The following GRM8 variants were observed in gnomAD, a reference collection of about 807,000 sequenced individuals.
GRM8 encodes metabotropic glutamate receptor 8.
GRM8 carries 47 observed loss-of-function variants against 87.2 expected under a neutral mutation model. That is an observed-to-expected ratio of 0.54 (90% CI 0.43 to 0.69). The LOEUF (loss-of-function observed/expected upper bound fraction) is 0.69, where lower values mean the gene tolerates loss of function less well. GRM8 is among the 30% of genes least tolerant of loss of function. The pLI is 0.00. For missense variants in GRM8, 1,019 were observed against 1,139.2 expected (o/e 0.89, Z 1.52); for synonymous variants, 396 against 404.5 (o/e 0.98, Z 0.25).
intron 6 of GRM8, among the ~76,000 whole-genome samples, chr7:126,796,334 A>G (rs1415942854): frequency 6.9e-6 from 1 of 145,388 alleles, no homozygotes; most frequent in Non-Finnish European, 1.5e-5. Context: ...CTTGCTTCTG[A>G]AAAAAAAGTG....
intron 7 of GRM8, among the ~76,000 whole-genome samples, chr7:126,642,718 G>C (rs138169270): frequency 6.6e-6 from 1 of 152,036 alleles, no homozygotes; most frequent in South Asian, 2.1e-4. Flanking sequence ...CACCAAATAC[G>C]ATAGAGATAG....
intron 2 of GRM8, among the ~76,000 whole-genome samples, chr7:127,131,451 AT>A (rs919755762): frequency 6.6e-6 from 1 of 152,144 alleles, no homozygotes. Context: ...GCCTCAATCA[AT>A]TTTTTAAACT....
chr7:127,056,414 T>A (rs1819992062), intron 3 of GRM8, among the ~76,000 whole-genome samples: 1 of 152,182 alleles, frequency 6.6e-6, no homozygotes, highest in Admixed American at 6.5e-5. Context: ...CAGGTCTGCA[T>A]GGGTGCACAA....
At chr7:127,087,592 C>T (rs928504775) in intron 3 of GRM8, among the ~76,000 whole-genome samples, 2 of 152,078 alleles carry the variant, frequency 1.3e-5, no homozygotes, top group African/African-American at 4.8e-5. Flanking sequence ...TTGCCAGGAA[C>T]TATGGGAAGA....
rs200832959 is a variant in GRM8, at chr7:126,590,132, AT to A, written c.1494+19229del. Among the ~76,000 whole-genome samples, 1,081 of 144,220 alleles carry A rather than the reference AT, an allele frequency of 7.5e-3. 3 individuals are homozygous for A. Among genetic ancestry groups the A allele is most frequent in the African/African-American group, 0.025 (984 of 39,756 alleles). The allele number at this position is 144,220 out of a possible 152,430, so 94.6% of individuals were successfully genotyped here. A position where few individuals can be genotyped will look rare whatever the true frequency, so the allele number is the denominator to read the frequency against. ...CAATTTCATGAAATAAAAAAAAAAA[AT>A]GATAGACGGTATAAGGGAAAAATCT... On this transcript the variant is annotated intron_variant, in intron 8 of 10. Transcript: ENST00000339582.
chr7:126,775,164 CTA>C (rs1360955992), intron 6 of GRM8, among the ~76,000 whole-genome samples: 2 of 152,042 alleles, frequency 1.3e-5, no homozygotes, highest in African/African-American at 4.8e-5. Context: ...TATGAAGCAA[CTA>C]TTTTAAATAA....
intron 10 of GRM8, among the ~76,000 whole-genome samples, chr7:126,440,332 A>T (rs1801318273): frequency 6.6e-6 from 1 of 150,706 alleles, no homozygotes; most frequent in Non-Finnish European, 1.5e-5. Flanking sequence ...GAATTGCTTG[A>T]ACCGAGAGGC....
intron 7 of GRM8, among the ~76,000 whole-genome samples, chr7:126,695,191 A>G (rs1218840390): frequency 6.6e-6 from 1 of 152,176 alleles, no homozygotes; most frequent in African/African-American, 2.4e-5. Context: ...AAAATACTAA[A>G]TTAGTAATAT....
intron 6 of GRM8, among the ~76,000 whole-genome samples, chr7:126,897,720 C>T (rs1225833258): frequency 6.6e-6 from 1 of 152,076 alleles, no homozygotes; most frequent in East Asian, 1.9e-4. Context: ...GCTTTCAGAA[C>T]TCAGCAGCTC....
intron 3 of GRM8, among the ~76,000 whole-genome samples, chr7:127,091,597 T>A (rs1336882329): frequency 2.2e-5 from 2 of 89,444 alleles, no homozygotes; most frequent in Admixed American, 1.3e-4. Context: ...CATCCCCCCA[T>A]CCCACTCGTC....
chr7:126,962,578 A>G (rs1246165324), intron 3 of GRM8, among the ~76,000 whole-genome samples: 1 of 152,236 alleles, frequency 6.6e-6, no homozygotes, highest in African/African-American at 2.4e-5. Context: ...AATACTGGCA[A>G]TGGAGTAGAA....
chr7:127,156,860 A>C (rs1792763053), intron 2 of GRM8, among the ~76,000 whole-genome samples: 1 of 152,212 alleles, frequency 6.6e-6, no homozygotes, highest in Non-Finnish European at 1.5e-5. Context: ...CAATATATGA[A>C]GAATATAAAG....
intron 2 of GRM8, among the ~76,000 whole-genome samples, chr7:127,170,243 C>A (rs1009593068): frequency 6.6e-6 from 1 of 152,088 alleles, no homozygotes. Flanking sequence ...AAATGCCCCA[C>A]CCACATCACT....
chr7:126,723,942 A>G (rs778299799), intron 7 of GRM8, among the ~76,000 whole-genome samples: 16 of 152,200 alleles, frequency 1.1e-4, no homozygotes, highest in Non-Finnish European at 1.8e-4. Context: ...ACCTATGCAT[A>G]TGATGCACTC....
intron 2 of GRM8, among the ~76,000 whole-genome samples, chr7:127,169,147 G>T (rs1793634571): frequency 6.6e-6 from 1 of 151,646 alleles, no homozygotes; most frequent in African/African-American, 2.4e-5. Context: ...CTGGCCGAAA[G>T]CTAGGCCTCT....
intron 2 of GRM8, among the ~76,000 whole-genome samples, chr7:127,176,535 T>C (rs541109201): frequency 1.3e-5 from 2 of 152,128 alleles, no homozygotes; most frequent in Non-Finnish European, 2.9e-5. Flanking sequence ...GCTCACACTG[T>C]GAATTTTAGC....
chr7:127,177,218 C>T (rs1029776321), intron 2 of GRM8, among the ~76,000 whole-genome samples: 2 of 152,146 alleles, frequency 1.3e-5, no homozygotes, highest in African/African-American at 4.8e-5. Flanking sequence ...AGGTCTGTGA[C>T]TGCTGGCTTT....
intron 7 of GRM8, among the ~76,000 whole-genome samples, chr7:126,708,393 T>G (rs193153423): frequency 9.2e-5 from 14 of 152,134 alleles, no homozygotes; most frequent in Admixed American, 9.2e-4. Context: ...TCCAAAGGAA[T>G]GAAATCAGTT....
At chr7:126,802,203 C>T (rs1407476274) in intron 6 of GRM8, among the ~76,000 whole-genome samples, 3 of 152,100 alleles carry the variant, frequency 2.0e-5, no homozygotes, top group Non-Finnish European at 4.4e-5. Flanking sequence ...TTAAAATATG[C>T]TCTATTCTCT....
Sources: gnomAD v4.1 joint callset for allele counts (sites outside exome capture counted in the v4.1 genomes callset) on GRCh38, gnomAD v4.1.1 for gene constraint, MANE v1.5 for transcripts, NCBI Gene and HGNC (gene_info 2026-07-23, HGNC 2026-07-21) for gene names.